PRKG1: variants seen among roughly 807,000 people sequenced by gnomAD.
PRKG1 encodes the protein protein kinase cGMP-dependent 1, also known as cGMP-dependent protein kinase 1.
Under a neutral mutation model 88.1 loss-of-function variants are expected in PRKG1, and 35 were observed. The ratio of observed to expected loss-of-function variants is 0.40; its 90% CI spans 0.30 to 0.53. The LOEUF (loss-of-function observed/expected upper bound fraction) is 0.53. PRKG1 is among the 20% of genes least tolerant of loss of function. The probability of loss-of-function intolerance (pLI) is 0.59; values close to 1 mark genes in which losing one functional copy is unlikely to be tolerated. For missense variants in PRKG1, 540 were observed against 839.8 expected (o/e 0.64, Z 4.41); for synonymous variants, 303 against 292.5 (o/e 1.04, Z -0.37).
intron 2 of PRKG1, among the ~76,000 whole-genome samples, chr10:51,409,256 A>G (rs1838007973): frequency 6.6e-6 from 1 of 152,126 alleles, no homozygotes; most frequent in East Asian, 1.9e-4. Flanking sequence ...AACTGATCAT[A>G]GGAAACTCCC....
intron 1 of PRKG1, among the ~76,000 whole-genome samples, chr10:51,033,754 A>C (rs996595674): frequency 6.6e-6 from 1 of 152,176 alleles, no homozygotes; most frequent in Non-Finnish European, 1.5e-5. Flanking sequence ...TTGCAGAAGA[A>C]AGGCCATTTT....
chr10:52,111,069 C>T (rs1847552133), intron 7 of PRKG1, among the ~76,000 whole-genome samples: 1 of 152,014 alleles, frequency 6.6e-6, no homozygotes, highest in African/African-American at 2.4e-5. Flanking sequence ...CCCATTTTTA[C>T]CGATAGGTAA....
chr10:52,285,055 G>A (rs1366002767), intron 14 of PRKG1, among the ~76,000 whole-genome samples: 4 of 151,844 alleles, frequency 2.6e-5, no homozygotes, highest in South Asian at 4.2e-4. Context: ...CATGGTAGGC[G>A]GCCCAATCTA....
chr10:51,990,764 A>G (rs1844284705), intron 5 of PRKG1, among the ~76,000 whole-genome samples: 2 of 151,878 alleles, frequency 1.3e-5, no homozygotes, highest in African/African-American at 4.8e-5. Context: ...GTTCCTCTCT[A>G]TGTGTCCATG....
chr10:52,052,670 G>C lies in PRKG1; in HGVS notation c.763-1814G>C, dbSNP rs115117656. Among the ~76,000 whole-genome samples the C allele has an allele frequency of 9.7e-3, 1,481 of 152,194 alleles. 31 individuals carry two copies. The highest frequency in any genetic ancestry group is 0.034 in the African/African-American group (1,414 of 41,506). On this transcript the variant is annotated intron_variant, in intron 5 of 17. Transcript: ENST00000373980. ...GCAGACAAGACACAATGAGAGCCAA[G>C]CCAAAGAGGAAACCCCTTATAAAAC...
At chr10:52,099,448 T>C (rs897163996) in intron 7 of PRKG1, among the ~76,000 whole-genome samples, 18 of 152,314 alleles carry the variant, frequency 1.2e-4, no homozygotes, top group African/African-American at 4.3e-4. Flanking sequence ...TGTCTTAGCA[T>C]CATTCTCTAA....
Position 51,773,226 on chromosome 10 carries a change from TCA to T in PRKG1, c.593-31358_593-31357del, listed in dbSNP as rs796174771. On this transcript the variant is annotated intron_variant, in intron 3 of 17. Transcript: ENST00000373980. ...AGTTGACTTTCTCCAACATTTTTTC[TCA>T]GTTTAATAAATCAATATTGATTTGT... Among the ~76,000 whole-genome samples, 8 of 152,218 alleles carry T rather than the reference TCA, an allele frequency of 5.3e-5. No individual in the cohort carries two copies. In the South Asian group the frequency reaches 1.7e-3, roughly 32 times the overall value.
rs61150252 is a variant in PRKG1 at position 51,979,410 on chromosome 10, GTTTTTTTTT to G, written c.762+71856_762+71864del. Reference sequence around the variant, plus strand: ...CAATATTCATCATGGATATTGGTCTGTTTTTTTTTTTTTTTTTTTTTTTTCTGTTTTGTC... The same window carrying G: ...CAATATTCATCATGGATATTGGTCTGTTTTTTTTTTTTTTTCTGTTTTGTC... On this transcript the variant is annotated intron_variant, in intron 5 of 17. Coordinates refer to ENST00000373980, the MANE Select transcript of PRKG1 (RefSeq NM_006258.4). Among the ~76,000 whole-genome samples, 11 of 47,060 alleles carry G rather than the reference GTTTTTTTTT, an allele frequency of 2.3e-4. No individual in the cohort carries two copies. In the South Asian group the frequency reaches 8.8e-3, roughly 38 times the overall value. 30.9% of individuals were successfully genotyped at this position (47,060 alleles called of 152,430 possible).
At chr10:51,511,006 C>T (rs1340527207) in intron 3 of PRKG1, among the ~76,000 whole-genome samples, 1 of 151,826 alleles carries the variant, frequency 6.6e-6, no homozygotes, top group Non-Finnish European at 1.5e-5. Flanking sequence ...CCCACCTCAG[C>T]CTCCCAAAGT....
chr10:51,973,921 A>G (rs1843767797), intron 5 of PRKG1, among the ~76,000 whole-genome samples: 1 of 152,162 alleles, frequency 6.6e-6, no homozygotes, highest in African/African-American at 2.4e-5. Flanking sequence ...TAAGCGGTTA[A>G]AAAGTCAGAA....
rs561107171 is a variant in PRKG1 at position 51,197,373 on chromosome 10, A to G, written c.478+44043A>G. 3.3e-5 allele frequency among the ~76,000 whole-genome samples: 5 copies of G among 152,136 alleles called. No individual in the cohort carries two copies. In the South Asian group the frequency reaches 1.0e-3, roughly 32 times the overall value. ...CCGCAACCTCTTTCTCCTGTGTTCA[A>G]GCGATTCTCCTGCCTCAGCCTCCCA... On this transcript the variant is annotated intron_variant, in intron 2 of 17. Coordinates refer to ENST00000373980, the MANE Select transcript of PRKG1 (RefSeq NM_006258.4).
At chr10:51,334,152 TTC>T (rs10568175) in intron 2 of PRKG1, among the ~76,000 whole-genome samples, 4,157 of 137,134 alleles carry the variant, frequency 0.03, 70 homozygotes, top group Middle Eastern at 0.061. Context: ...CTCTCTCTCT[TTC>T]TCTCTCTCTC....
At chr10:51,592,539 G>C (rs4935269) in intron 3 of PRKG1, among the ~76,000 whole-genome samples, 10,913 of 151,968 alleles carry the variant, frequency 0.072, 1,285 homozygotes, top group African/African-American at 0.25. Flanking sequence ...CCTGCCTGCC[G>C]TGATTATTGA....
intron 8 of PRKG1, among the ~76,000 whole-genome samples, chr10:52,152,274 A>G (rs1187639295): frequency 6.6e-6 from 1 of 152,178 alleles, no homozygotes; most frequent in East Asian, 1.9e-4. Context: ...ATTACAGGCC[A>G]GGAAATACTC....
intron 3 of PRKG1, among the ~76,000 whole-genome samples, chr10:51,686,213 T>C (rs1258040405): frequency 6.6e-6 from 1 of 152,162 alleles, no homozygotes; most frequent in Non-Finnish European, 1.5e-5. Context: ...AAACTGCGTG[T>C]CGCGGGGCTT....
At chr10:51,269,407 A>T (rs1043367574) in intron 2 of PRKG1, among the ~76,000 whole-genome samples, 2 of 152,218 alleles carry the variant, frequency 1.3e-5, no homozygotes, top group East Asian at 3.9e-4. Flanking sequence ...AAAAAGGCAC[A>T]TGCACATGCA....
chr10:52,166,374 T>C (rs1220488132), intron 9 of PRKG1, among the ~76,000 whole-genome samples: 1 of 151,946 alleles, frequency 6.6e-6, no homozygotes, highest in Non-Finnish European at 1.5e-5. Flanking sequence ...ACTTTCACTA[T>C]TTGGTTCTAA....
chr10:51,268,912 T>C (rs2132172648), intron 2 of PRKG1, among the ~76,000 whole-genome samples: 1 of 152,300 alleles, frequency 6.6e-6, no homozygotes, highest in Non-Finnish European at 1.5e-5. Context: ...CTAATAAATG[T>C]CCTTGAAATC....
chr10:51,754,128 C>G (rs1837797394), intron 3 of PRKG1, among the ~76,000 whole-genome samples: 1 of 152,074 alleles, frequency 6.6e-6, no homozygotes, highest in African/African-American at 2.4e-5. Flanking sequence ...AGCCATTCCT[C>G]TAGTCCCTGG....
Sources: gnomAD v4.1 joint callset for allele counts (sites outside exome capture counted in the v4.1 genomes callset) on GRCh38, gnomAD v4.1.1 for gene constraint, MANE v1.5 for transcripts, NCBI Gene and HGNC (gene_info 2026-07-23, HGNC 2026-07-21) for gene names.